Variants in THSD7A observed in about 807,000 individuals in gnomAD.
THSD7A encodes the protein thrombospondin type 1 domain containing 7A.
A neutral mutation model predicts 231.3 loss-of-function variants in THSD7A; 96 were observed. The observed-to-expected ratio is 0.41, with a 90% confidence interval of 0.35 to 0.49. The LOEUF (loss-of-function observed/expected upper bound fraction) is 0.49. Ranked by LOEUF, THSD7A falls within the 20% of genes least tolerant of loss-of-function variation. THSD7A has a pLI of 0.05. For missense variants in THSD7A, 2,290 were observed against 2,070.2 expected (o/e 1.11, Z -2.06); for synonymous variants, 940 against 743.3 (o/e 1.26, Z -4.30).
intron 6 of THSD7A, among the ~76,000 whole-genome samples, chr7:11,484,869 C>A (rs1473504704): frequency 1.5e-5 from 1 of 68,596 alleles, no homozygotes; most frequent in African/African-American, 5.4e-5. Context: ...TGAATCACAA[C>A]CTTAATTTTT....
intron 4 of THSD7A, among the ~76,000 whole-genome samples, chr7:11,559,653 A>T (rs2128329080): frequency 6.6e-6 from 1 of 152,166 alleles, no homozygotes; most frequent in African/African-American, 2.4e-5. Flanking sequence ...AAGAAAGTAG[A>T]AGAAAGAGAA....
intron 1 of THSD7A, among the ~76,000 whole-genome samples, chr7:11,676,421 C>CTAAT (rs1352866145): frequency 6.6e-6 from 1 of 152,104 alleles, no homozygotes; most frequent in Non-Finnish European, 1.5e-5. Context: ...ATGAGTTTGA[C>CTAAT]TAATAGACAG....
intron 27 of THSD7A, among the ~76,000 whole-genome samples, 196 bp downstream of exon 27, chr7:11,376,374 G>A (rs2115283299): frequency 6.6e-6 from 1 of 152,172 alleles, no homozygotes; most frequent in Middle Eastern, 3.4e-3. Context: ...ATGACCTGCA[G>A]CAAGCTCTTG....
At chr7:11,732,011 G>A (rs892033780) in intron 1 of THSD7A, among the ~76,000 whole-genome samples, 3 of 151,540 alleles carry the variant, frequency 2.0e-5, no homozygotes, top group Non-Finnish European at 3.0e-5. Flanking sequence ...ATTAATAAAT[G>A]AATATTCACA....
chr7:11,747,042 C>T (rs1782330179), intron 1 of THSD7A, among the ~76,000 whole-genome samples: 1 of 151,842 alleles, frequency 6.6e-6, no homozygotes, highest in Non-Finnish European at 1.5e-5. Context: ...TCATCAATTA[C>T]CGACCTCTTT....
At chr7:11,472,111 T>C (rs1405960720) in intron 8 of THSD7A, among the ~76,000 whole-genome samples, 1 of 152,118 alleles carries the variant, frequency 6.6e-6, no homozygotes, top group Non-Finnish European at 1.5e-5. Context: ...CACACAAAGA[T>C]AAATTATACA....
At chr7:11,576,608 A>G (rs1276650815) in intron 4 of THSD7A, among the ~76,000 whole-genome samples, 1 of 152,198 alleles carries the variant, frequency 6.6e-6, no homozygotes, top group African/African-American at 2.4e-5. Flanking sequence ...GTACCTTTTC[A>G]GTTAAACTGT....
intron 1 of THSD7A, among the ~76,000 whole-genome samples, chr7:11,723,378 T>A (rs1195474251): frequency 6.6e-6 from 1 of 151,466 alleles, no homozygotes; most frequent in Non-Finnish European, 1.5e-5. Flanking sequence ...TAATGTTAAA[T>A]GACGAGTTAA....
At chr7:11,500,387 C>T (rs1317860996) in intron 6 of THSD7A, among the ~76,000 whole-genome samples, 2 of 152,132 alleles carry the variant, frequency 1.3e-5, no homozygotes, top group Non-Finnish European at 1.5e-5. Flanking sequence ...ACCAGGGTTA[C>T]TATAAAGCAA....
chr7:11,444,653 T>C lies in THSD7A; in HGVS notation c.3064+1408A>G, dbSNP rs1331083957. ...CATCAGGAGAAATACCTAATGTAGA[T>C]GACGGGTTGATGGGTGCAGCAAACC... is the stretch of plus-strand genomic sequence containing the variant. On this transcript the variant is annotated intron_variant, in intron 13 of 27. Transcript: ENST00000423059. The surrounding 1 kb of genome is among the most constrained non-coding windows in gnomAD (Gnocchi z 4.2). 6.6e-6 allele frequency among the ~76,000 whole-genome samples: 1 copy of C among 151,632 alleles called. No individual in the cohort carries two copies. The highest frequency in any genetic ancestry group is 2.4e-5 in the African/African-American group (1 of 41,274).
intron 2 of THSD7A, among the ~76,000 whole-genome samples, chr7:11,602,023 T>C (rs1278246754): frequency 6.6e-6 from 1 of 152,210 alleles, no homozygotes; most frequent in Non-Finnish European, 1.5e-5. Flanking sequence ...ACTGCTTTTT[T>C]AGCCAATGCC....
chr7:11,831,676 GGGGTCCCTACA>G lies in THSD7A; in HGVS notation c.190+70_190+80del. 9.2e-7 allele frequency: 1 copy of G among 1,081,952 alleles called. No homozygotes were observed. The highest frequency in any genetic ancestry group is 1.2e-6 in the Non-Finnish European group (1 of 834,656). 67.0% of individuals were successfully genotyped at this position (1,081,952 alleles called of 1,614,324 possible). On this transcript the variant is annotated intron_variant, in intron 1 of 27. Transcript: ENST00000423059. The surrounding 1 kb of genome is among the most constrained non-coding windows in gnomAD (Gnocchi z 5.0). ...CATAACCAAGCCATCCAAAAGCACC[GGGGTCCCTACA>G]GAAGCCCACCAGCTCCTTAATGTGG...
intron 13 of THSD7A, among the ~76,000 whole-genome samples, chr7:11,439,065 T>C (rs1044627654): frequency 6.6e-6 from 1 of 152,012 alleles, no homozygotes; most frequent in Non-Finnish European, 1.5e-5. Context: ...GAATCATTTT[T>C]TTCATTAAAG....
At position 11,590,568 on chromosome 7, in the gene THSD7A, C is replaced by T. The variant is rs754018723; in HGVS notation, c.1345G>A (p.Gly449Ser). The T allele has an allele frequency of 3.2e-5, 52 of 1,613,706 alleles. No individual in the cohort carries two copies. Among genetic ancestry groups the T allele is most frequent in the Admixed American group, 1.7e-4 (10 of 59,974 alleles). The change falls in exon 4 of 28, where the codon GGC becomes AGC. Residue 449 changes from glycine (G) to serine (S), a missense_variant. Physicochemically the swap from Gly to Ser is moderately conservative, Grantham distance 56. Transcript: ENST00000423059. This position sits in a 1 kb window ranked among gnomAD's most constrained non-coding sequence, Gnocchi z 4.4. ...CCTCCACAGAGGGCCGTCTGGTTGC[C>T]GCGCCTCTTGTCCTGCTGACTGAGC... ...PLLSQQDKRR[G>S]NQTALCGGGI...
chr7:11,424,734 C>G lies in THSD7A; in HGVS notation c.3345G>C (p.Arg1115=). 2 of 1,613,980 alleles carry G rather than the reference C, an allele frequency of 1.2e-6. No individual in the cohort carries two copies. Among genetic ancestry groups the G allele is most frequent in the Non-Finnish European group, 1.7e-6 (2 of 1,179,878 alleles). The part of the protein sequence containing the change: ...SICKVTFVNM[R]ENCGEGVQTR... Reference sequence around the variant, plus strand: ...TTTGCACGCCCTCTCCACAGTTCTCCCGCATATTCACAAAGGTCACCTTGC... The same window carrying G: ...TTTGCACGCCCTCTCCACAGTTCTCGCGCATATTCACAAAGGTCACCTTGC... The change falls in exon 16 of 28, where the codon CGG becomes CGC. Residue 1115 remains arginine (R), a synonymous_variant. Coordinates refer to ENST00000423059, the MANE Select transcript of THSD7A (RefSeq NM_015204.3).
In THSD7A at chr7:11,636,862, G is replaced by C; in HGVS notation, c.290C>G (p.Thr97Ser). The C allele has an allele frequency of 1.2e-6, 2 of 1,613,938 alleles. No individual in the cohort carries two copies. Among genetic ancestry groups the C allele is most frequent in the Non-Finnish European group, 1.7e-6 (2 of 1,179,904 alleles). ...GGGTCTCTCGGCCTGCTTACAGTTAGTATGCAGTGTAGTCCATCCCTCCAC... is the reference window on the plus strand; with the variant it reads ...GGGTCTCTCGGCCTGCTTACAGTTACTATGCAGTGTAGTCCATCCCTCCAC... ...AHVEGWTTLHTNCKQAERPNN... is the reference protein window; with the variant it reads ...AHVEGWTTLHSNCKQAERPNN... The change falls in exon 2 of 28, where the codon ACT becomes AGT. Residue 97 changes from threonine to serine, a missense_variant. Physicochemically the swap from Thr to Ser is moderately conservative, Grantham distance 58. Coordinates refer to ENST00000423059, the MANE Select transcript of THSD7A (RefSeq NM_015204.3). The surrounding 1 kb of genome is among the most constrained non-coding windows in gnomAD (Gnocchi z 10.0).
intron 2 of THSD7A, among the ~76,000 whole-genome samples, chr7:11,596,815 C>A (rs1780378205): frequency 6.6e-6 from 1 of 152,218 alleles, no homozygotes. Context: ...GGCTTCATTG[C>A]TTAAGCAAAT....
At chr7:11,398,728 C>A (rs900964320) in intron 23 of THSD7A, among the ~76,000 whole-genome samples, 1 of 152,120 alleles carries the variant, frequency 6.6e-6, no homozygotes, top group Non-Finnish European at 1.5e-5. Flanking sequence ...CAGATATTAT[C>A]TTTTGCCAGT....
intron 1 of THSD7A, among the ~76,000 whole-genome samples, chr7:11,737,973 T>G (rs1781973432): frequency 6.6e-6 from 1 of 152,008 alleles, no homozygotes; most frequent in African/African-American, 2.4e-5. Context: ...ACTGCATGAC[T>G]CTCTCATTAT....
Sources: gnomAD v4.1 joint callset for allele counts (sites outside exome capture counted in the v4.1 genomes callset) on GRCh38, gnomAD v4.1.1 for gene constraint, Gnocchi (gnomAD v3.1) non-coding constraint, MANE v1.5 for transcripts, NCBI Gene and HGNC (gene_info 2026-07-23, HGNC 2026-07-21) for gene names.